The following SH3RF1 variants were observed in gnomAD, a reference collection of about 807,000 sequenced individuals.
The protein encoded by SH3RF1 is SH3 domain containing ring finger 1.
In SH3RF1, 32 loss-of-function variants were observed where a neutral mutation model predicts 74.0. The ratio of observed to expected loss-of-function variants is 0.43; its 90% CI spans 0.33 to 0.58. The LOEUF (loss-of-function observed/expected upper bound fraction) is 0.58. Among genes scored for constraint, SH3RF1 ranks in the 20% least tolerant of loss-of-function variants. SH3RF1 has a pLI of 0.05. For missense variants in SH3RF1, 954 were observed against 1,130.9 expected (o/e 0.84, Z 2.24); for synonymous variants, 396 against 439.6 (o/e 0.90, Z 1.24).
At chr4:169,221,193 G>A (rs963879577) in intron 2 of SH3RF1, among the ~76,000 whole-genome samples, 5 of 152,156 alleles carry the variant, frequency 3.3e-5, no homozygotes, top group South Asian at 2.1e-4. Context: ...ACACAAAACC[G>A]CAGGCAAGTC....
intron 2 of SH3RF1, among the ~76,000 whole-genome samples, chr4:169,179,191 G>A (rs1734469451): frequency 6.6e-6 from 1 of 152,216 alleles, no homozygotes; most frequent in Admixed American, 6.5e-5. Flanking sequence ...AGGGTAACAT[G>A]ACTAAGGGAG....
chr4:169,195,768 T>C (rs1734798004), intron 2 of SH3RF1, among the ~76,000 whole-genome samples: 1 of 152,206 alleles, frequency 6.6e-6, no homozygotes, highest in African/African-American at 2.4e-5. Flanking sequence ...TTCTAGAATT[T>C]GCACTGTTGT....
chr4:169,193,561 C>G (rs759266064), intron 2 of SH3RF1, among the ~76,000 whole-genome samples: 26 of 152,138 alleles, frequency 1.7e-4, no homozygotes, highest in Non-Finnish European at 3.5e-4. Context: ...CAAAATTGTT[C>G]CCTCTAGGAC....
intron 10 of SH3RF1, among the ~76,000 whole-genome samples, chr4:169,112,351 C>T (rs953337849): frequency 4.6e-5 from 7 of 152,078 alleles, no homozygotes; most frequent in African/African-American, 1.2e-4. Context: ...AGAAACCAGA[C>T]GGGTGGAGAT....
intron 11 of SH3RF1, among the ~76,000 whole-genome samples, chr4:169,106,589 C>A (rs765838678): frequency 2.0e-5 from 3 of 151,134 alleles, no homozygotes; most frequent in Admixed American, 2.0e-4. Flanking sequence ...TTTACCTGGA[C>A]ACAATTCAGG....
chr4:169,153,114 G>A (rs1183228765), intron 4 of SH3RF1, among the ~76,000 whole-genome samples: 1 of 152,110 alleles, frequency 6.6e-6, no homozygotes, highest in African/African-American at 2.4e-5. Flanking sequence ...AGCAGGAGTC[G>A]AGGGGGAGTT....
At chr4:169,132,322 C>A (rs751513353) in intron 5 of SH3RF1, among the ~76,000 whole-genome samples, 8 of 152,196 alleles carry the variant, frequency 5.3e-5, no homozygotes, top group Non-Finnish European at 1.2e-4. Flanking sequence ...CTGTTAATGA[C>A]CTCATGGTTT....
Position 169,209,284 on chromosome 4 carries a change from G to A in SH3RF1, c.394-52605C>T, listed in dbSNP as rs1242400794. Among the ~76,000 whole-genome samples the A allele has an allele frequency of 3.4e-5, 5 of 147,682 alleles. No individual in the cohort carries two copies. The East Asian group carries it at 9.9e-4, about 29-fold the overall frequency. On this transcript the variant is annotated intron_variant, in intron 2 of 11. Coordinates refer to ENST00000284637, the MANE Select transcript of SH3RF1 (RefSeq NM_020870.4). ...AGCCTGAGTGACAGAACAAGACCCTGTCCGAAAAAAAAAAAAAAATGAGGC... is the reference window on the plus strand; with the variant it reads ...AGCCTGAGTGACAGAACAAGACCCTATCCGAAAAAAAAAAAAAAATGAGGC...
intron 5 of SH3RF1, among the ~76,000 whole-genome samples, chr4:169,132,715 G>A (rs1436951525): frequency 6.6e-6 from 1 of 151,854 alleles, no homozygotes; most frequent in Non-Finnish European, 1.5e-5. Flanking sequence ...AGGTGGGGGT[G>A]GGGGTTTATT....
intron 2 of SH3RF1, among the ~76,000 whole-genome samples, chr4:169,234,833 A>C (rs1464016465): frequency 1.3e-5 from 2 of 152,244 alleles, no homozygotes; most frequent in Non-Finnish European, 2.9e-5. Flanking sequence ...TGGGCCTGAT[A>C]GTTGTTTGTT....
intron 2 of SH3RF1, among the ~76,000 whole-genome samples, chr4:169,241,272 C>T (rs1438494174): frequency 6.6e-6 from 1 of 152,068 alleles, no homozygotes; most frequent in Non-Finnish European, 1.5e-5. Flanking sequence ...ATAAAACTGC[C>T]CAAGTCCATG....
At chr4:169,240,010 T>C (rs1730880293) in intron 2 of SH3RF1, among the ~76,000 whole-genome samples, 1 of 151,680 alleles carries the variant, frequency 6.6e-6, no homozygotes, top group Non-Finnish European at 1.5e-5. Context: ...GGCAACAGAG[T>C]GAGACTGCCT....
At chr4:169,113,983 T>C (rs756578751) in intron 10 of SH3RF1, among the ~76,000 whole-genome samples, 1 of 152,100 alleles carries the variant, frequency 6.6e-6, no homozygotes, top group Non-Finnish European at 1.5e-5. Flanking sequence ...TGAGTTGAGT[T>C]ACAGCTGTCT....
intron 5 of SH3RF1, among the ~76,000 whole-genome samples, chr4:169,131,466 C>A (rs1424367993): frequency 1.3e-5 from 2 of 152,170 alleles, no homozygotes. Context: ...TGGTCTTGAA[C>A]TCCAAACCCT....
At chr4:169,231,747 C>A (rs927711617) in intron 2 of SH3RF1, among the ~76,000 whole-genome samples, 1 of 152,170 alleles carries the variant, frequency 6.6e-6, no homozygotes, top group Admixed American at 6.5e-5. Context: ...GGACAACTAA[C>A]GCCTCTTTCT....
At chr4:169,133,407 G>A (rs181293917) in intron 5 of SH3RF1, among the ~76,000 whole-genome samples, 67 of 151,598 alleles carry the variant, frequency 4.4e-4, no homozygotes, top group African/African-American at 1.4e-3. Flanking sequence ...CCTGGGAGGC[G>A]AAGGTTGCAG....
intron 2 of SH3RF1, among the ~76,000 whole-genome samples, chr4:169,228,656 G>C (rs1028384950): frequency 6.6e-6 from 1 of 152,136 alleles, no homozygotes; most frequent in African/African-American, 2.4e-5. Context: ...TCTTTGCCAT[G>C]TAATAACACA....
intron 11 of SH3RF1, among the ~76,000 whole-genome samples, chr4:169,102,727 G>A (rs1431604807): frequency 3.3e-5 from 5 of 151,270 alleles, no homozygotes; most frequent in African/African-American, 1.2e-4. Context: ...ACTATTTCTT[G>A]CTTGTTTTCT....
chr4:169,144,761 AT>A (rs796762720), intron 4 of SH3RF1, among the ~76,000 whole-genome samples: 24 of 147,134 alleles, frequency 1.6e-4, no homozygotes, highest in Admixed American at 2.7e-4. Flanking sequence ...GGGTCAACTG[AT>A]TTTTTTTTTT....
Sources: allele counts gnomAD v4.1 joint callset (sites outside exome capture counted in the v4.1 genomes callset), GRCh38; gene constraint gnomAD v4.1.1; transcripts MANE v1.5; gene names NCBI Gene and HGNC (gene_info 2026-07-23, HGNC 2026-07-21).